Variants in NRXN1 observed in about 807,000 individuals in gnomAD.
NRXN1 encodes neurexin-1.
Under a neutral mutation model 150.9 loss-of-function variants are expected in NRXN1, and 39 were observed. The ratio of observed to expected loss-of-function variants is 0.26; its 90% CI spans 0.20 to 0.34. The LOEUF is 0.34. NRXN1 is among the 10% of genes least tolerant of loss of function. The pLI, the probability that NRXN1 is intolerant of heterozygous loss-of-function variation, is 1.00. For synonymous variants in NRXN1, 924 were observed against 757.0 expected, an observed-to-expected ratio of 1.22 and a Z score of -3.62; for missense variants, 1,815 against 1,949.9, an observed-to-expected ratio of 0.93 and a Z score of 1.30.
intron 17 of NRXN1, among the ~76,000 whole-genome samples, chr2:50,318,015 C>T (rs921030749): frequency 1.3e-5 from 2 of 152,030 alleles, no homozygotes. Context: ...AATTTTAGAA[C>T]TCCATTCACC....
At chr2:50,186,106 A>T (rs1574385445) in intron 18 of NRXN1, among the ~76,000 whole-genome samples, 1 of 152,060 alleles carries the variant, frequency 6.6e-6, no homozygotes, top group South Asian at 2.1e-4. Context: ...CTGCCAGAAA[A>T]CCTGCATTTT....
chr2:50,964,074 G>T (rs1300259651), intron 2 of NRXN1: 1 of 367,088 alleles, frequency 2.7e-6, no homozygotes, highest in Non-Finnish European at 5.4e-6. Context: ...TTAAGATCCA[G>T]TTATGCTATT....
intron 5 of NRXN1, among the ~76,000 whole-genome samples, chr2:50,690,476 C>T (rs781715000): frequency 3.3e-5 from 5 of 152,118 alleles, no homozygotes; most frequent in Non-Finnish European, 7.4e-5. Context: ...ATCATGAAGC[C>T]ATCACAGCCT....
intron 17 of NRXN1, among the ~76,000 whole-genome samples, chr2:50,289,062 A>T (rs1437028357): frequency 2.0e-5 from 3 of 152,130 alleles, no homozygotes; most frequent in Non-Finnish European, 2.9e-5. Context: ...CTCACAGTAT[A>T]TTGAGATAGG....
At chr2:50,252,361 T>G (rs1300859212) in intron 17 of NRXN1, among the ~76,000 whole-genome samples, 1 of 149,820 alleles carries the variant, frequency 6.7e-6, no homozygotes, top group East Asian at 2.0e-4. Flanking sequence ...TGGGTTCAAG[T>G]GATTCTCCTG....
intron 21 of NRXN1, among the ~76,000 whole-genome samples, chr2:49,985,970 T>G (rs1182226689): frequency 6.6e-6 from 1 of 152,216 alleles, no homozygotes; most frequent in African/African-American, 2.4e-5. Context: ...TGTACTTCAT[T>G]TGTGGAATAA....
At chr2:49,996,420 G>T (rs974723022) in intron 21 of NRXN1, among the ~76,000 whole-genome samples, 8 of 152,072 alleles carry the variant, frequency 5.3e-5, no homozygotes, top group African/African-American at 1.7e-4. Context: ...AGGAAGATTG[G>T]GGATTTACAT....
chr2:50,720,681 T>G (rs985978297), intron 5 of NRXN1, among the ~76,000 whole-genome samples: 8 of 152,230 alleles, frequency 5.3e-5, no homozygotes, highest in African/African-American at 4.8e-5. Flanking sequence ...TGAGATCTCC[T>G]GCATGTCCAA....
At chr2:50,644,641 A>G (rs574065502) in intron 5 of NRXN1, among the ~76,000 whole-genome samples, 15 of 151,696 alleles carry the variant, frequency 9.9e-5, no homozygotes, top group African/African-American at 3.4e-4. Context: ...TATTTAGTTT[A>G]TCCTCCAGGT....
At chr2:50,018,075 T>C (rs902654865) in intron 21 of NRXN1, among the ~76,000 whole-genome samples, 3 of 152,144 alleles carry the variant, frequency 2.0e-5, no homozygotes, top group Non-Finnish European at 4.4e-5. Flanking sequence ...TTCCCTGGTG[T>C]AGGGAGGCAT....
At chr2:50,417,686 C>T (rs1368423562) in intron 17 of NRXN1, among the ~76,000 whole-genome samples, 1 of 151,668 alleles carries the variant, frequency 6.6e-6, no homozygotes, top group East Asian at 1.9e-4. Context: ...GGGGACATAA[C>T]TTGTTTGGTG....
At chr2:50,538,691 A>G in intron 9 of NRXN1, 55 bp from the exon 10 acceptor site, 1 of 1,365,070 alleles carries the variant, frequency 7.3e-7, no homozygotes, top group Non-Finnish European at 9.6e-7. Flanking sequence ...ACGTGTTATA[A>G]TTATCTTTCT....
intron 12 of NRXN1, among the ~76,000 whole-genome samples, chr2:50,523,722 T>A (rs1004605802): frequency 6.6e-6 from 1 of 152,214 alleles, no homozygotes; most frequent in South Asian, 2.1e-4. Context: ...TTTTCAAAAA[T>A]ATACTATGTG....
chr2:50,654,941 C>A (rs914818222), intron 5 of NRXN1, among the ~76,000 whole-genome samples: 2 of 151,934 alleles, frequency 1.3e-5, no homozygotes, highest in Non-Finnish European at 2.9e-5. Flanking sequence ...TCACACTCTC[C>A]AACCAAGTGA....
intron 17 of NRXN1, among the ~76,000 whole-genome samples, chr2:50,277,507 CTTCCTTCCTTT>C (rs1172572489): frequency 3.4e-3 from 340 of 99,972 alleles, no homozygotes; most frequent in African/African-American, 0.012. Flanking sequence ...TTTTTCCTTC[CTTCCTTCCTTT>C]TTCCTTCCTT....
At chr2:50,563,164 T>C (rs1669358261) in intron 8 of NRXN1, among the ~76,000 whole-genome samples, 1 of 152,222 alleles carries the variant, frequency 6.6e-6, no homozygotes, top group African/African-American at 2.4e-5. Context: ...TGATCTAGCT[T>C]TCTAAAACAT....
intron 8 of NRXN1, among the ~76,000 whole-genome samples, chr2:50,607,904 A>C (rs558740114): frequency 2.0e-5 from 3 of 152,062 alleles, no homozygotes; most frequent in Non-Finnish European, 4.4e-5. Context: ...GCTGCTCCTA[A>C]TTTGGATTGT....
intron 17 of NRXN1, chr2:50,464,312 T>A (rs2104636102): frequency 6.6e-6 from 1 of 151,942 alleles, no homozygotes; most frequent in South Asian, 2.1e-4. Flanking sequence ...TTTAACTCTG[T>A]ATTGGTTGTG....
rs1668026247 is a variant in NRXN1, at chr2:49,920,641, T to C, written c.*1303A>G. On this transcript the variant is annotated 3_prime_UTR_variant, in exon 23 of 23. Transcript: ENST00000401669. The stretch of plus-strand genomic sequence containing the variant: ...TGCTTTTCAATTTGTCAATAAATAT[T>C]TGCTACTGTATGCACGTTTGGATCT... 1 of 152,240 alleles carries C rather than the reference T, an allele frequency of 6.6e-6. No homozygotes were observed. The highest frequency in any genetic ancestry group is 1.5e-5 in the Non-Finnish European group (1 of 68,018). The allele number at this position is 152,240 out of a possible 1,614,324, so 9.4% of individuals were successfully genotyped here.
Sources: allele counts gnomAD v4.1 joint callset (sites outside exome capture counted in the v4.1 genomes callset), GRCh38; gene constraint gnomAD v4.1.1; transcripts MANE v1.5; gene names NCBI Gene and HGNC (gene_info 2026-07-23, HGNC 2026-07-21).